The following IQCE variants were observed in gnomAD, a reference collection of about 807,000 sequenced individuals.
IQCE encodes IQ domain-containing protein E.
Under a neutral mutation model 96.0 loss-of-function variants are expected in IQCE, and 115 were observed. That is an observed-to-expected ratio of 1.20 (90% CI 1.03 to 1.40). The LOEUF is 1.40. Ranked by LOEUF, IQCE falls within the 40% of genes most tolerant of loss-of-function variation. IQCE has a pLI of 0.00. For synonymous variants in IQCE, 412 were observed against 371.2 expected (o/e 1.11, Z -1.26); for missense variants, 1,041 against 909.1 (o/e 1.15, Z -1.87).
At chr7:2,572,650 T>C in intron 5 of IQCE, 1 of 502,322 alleles carries the variant, frequency 2.0e-6, no homozygotes, top group Non-Finnish European at 3.8e-6. Flanking sequence ...AAATAAATAA[T>C]GATAAAAAGT....
At position 2,578,376 on chromosome 7, in the gene IQCE, G is replaced by A. The variant is rs199985478; in HGVS notation, c.579+21G>A. On this transcript the variant is annotated intron_variant, in intron 7 of 21. Coordinates refer to ENST00000402050, the MANE Select transcript of IQCE (RefSeq NM_152558.5). ...GCCGCGTAAGCTCCTGGCGCTTCAC[G>A]GACGGGGCAAGGGGAGGGTCCTCGG... 233 of 1,612,710 alleles carry A rather than the reference G, an allele frequency of 1.4e-4. 2 individuals are homozygous for A. The highest frequency in any genetic ancestry group is 1.8e-4 in the Non-Finnish European group (217 of 1,178,706).
chr7:2,571,324 A>G (rs1583404758), intron 3 of IQCE: 1 of 601,216 alleles, frequency 1.7e-6, no homozygotes, highest in East Asian at 3.3e-5. Context: ...TGGCCTCATT[A>G]TGCTATTTCT....
intron 12 of IQCE, among the ~76,000 whole-genome samples, chr7:2,587,456 G>A (rs1036062199): frequency 2.1e-4 from 32 of 152,122 alleles, no homozygotes; most frequent in Admixed American, 8.5e-4. Flanking sequence ...AGTGGCTAGC[G>A]AGGGGCTGTG....
intron 5 of IQCE, chr7:2,572,860 T>C (rs1781861461): frequency 2.5e-6 from 1 of 403,044 alleles, no homozygotes; most frequent in African/African-American, 2.1e-5. Context: ...TTTATCCACG[T>C]GTTTCCCACC....
chr7:2,592,633 A>C (rs983569065), intron 14 of IQCE, among the ~76,000 whole-genome samples: 10 of 152,372 alleles, frequency 6.6e-5, no homozygotes, highest in African/African-American at 2.4e-4. Flanking sequence ...AGCCCCGCAC[A>C]GGCAGTGCCA....
In IQCE at chr7:2,586,262, C is replaced by T. The variant is rs61736928; in HGVS notation, c.879C>T (p.Ala293=). Residue 293 remains alanine, a synonymous_variant, in exon 12 of 22, where the codon GCC becomes GCT. Transcript: ENST00000402050. ...AAAGGCAGAAGAAGATGGGCAGTGCCCTCCTGAGCTTGTCCCGGAGTGTCC... is the reference window on the plus strand; with the variant it reads ...AAAGGCAGAAGAAGATGGGCAGTGCTCTCCTGAGCTTGTCCCGGAGTGTCC... ...GAKRQKKMGS[A]LLSLSRSVQE... is the part of the protein sequence containing the mutation. 2,621 of 1,614,020 alleles carry T rather than the reference C, an allele frequency of 1.6e-3. 40 individuals carry two copies. The African/African-American group carries it at 0.031, about 19-fold the overall frequency.
At position 2,571,535 on chromosome 7, in the gene IQCE, A is replaced by C; in HGVS notation, c.140A>C (p.Tyr47Ser). Reference sequence around the variant, plus strand: ...GTGTTGGCTTTTCCAGAGTCACCTTATCTCTCTAAGCCGAGAAAAGTGGCC... The same window carrying C: ...GTGTTGGCTTTTCCAGAGTCACCTTCTCTCTCTAAGCCGAGAAAAGTGGCC... ...KPPPTSPKSP[Y>S]LSKPRKVASW... The change falls in exon 4 of 22, where the codon TAT becomes TCT. Residue 47 changes from tyrosine to serine, a missense_variant. By Grantham distance (144) the Tyr-to-Ser change is moderately radical. Coordinates refer to ENST00000402050, the MANE Select transcript of IQCE (RefSeq NM_152558.5). 1 of 1,606,388 alleles carries C rather than the reference A, an allele frequency of 6.2e-7. No homozygotes were observed. The highest frequency in any genetic ancestry group is 2.2e-5 in the East Asian group (1 of 44,864).
intron 1 of IQCE, 183 bp downstream of exon 1, chr7:2,559,400 T>G (rs993141634): frequency 2.9e-5 from 9 of 313,022 alleles, no homozygotes; most frequent in Non-Finnish European, 5.1e-5. Context: ...CCGCGCCGCC[T>G]GCAGCCTCGC....
Position 2,578,369 on chromosome 7 carries a change from G to A in IQCE, c.579+14G>A, listed in dbSNP as rs758615216. The A allele has an allele frequency of 1.9e-5, 30 of 1,612,316 alleles. No homozygotes were observed. The South Asian group carries it at 3.2e-4, about 17-fold the overall frequency. On this transcript the variant is annotated intron_variant, in intron 7 of 21. Coordinates refer to ENST00000402050, the MANE Select transcript of IQCE (RefSeq NM_152558.5). ...GATCCCAGCCGCGTAAGCTCCTGGCGCTTCACGGACGGGGCAAGGGGAGGG... is the reference window on the plus strand; with the variant it reads ...GATCCCAGCCGCGTAAGCTCCTGGCACTTCACGGACGGGGCAAGGGGAGGG...
intron 6 of IQCE, among the ~76,000 whole-genome samples, chr7:2,576,291 C>T (rs1456701255): frequency 6.6e-6 from 1 of 152,182 alleles, no homozygotes; most frequent in Non-Finnish European, 1.5e-5. Context: ...ACAGCCCAGC[C>T]TACACGCTGT....
At chr7:2,598,722 G>C in intron 17 of IQCE, 90 bp downstream of exon 17, 1 of 1,215,918 alleles carries the variant, frequency 8.2e-7, no homozygotes, top group Non-Finnish European at 1.1e-6. Context: ...ACTGGGCCTG[G>C]AGGGCCAGCC....
chr7:2,599,995 T>C (rs1784327668), intron 17 of IQCE, among the ~76,000 whole-genome samples: 1 of 152,154 alleles, frequency 6.6e-6, no homozygotes, highest in Non-Finnish European at 1.5e-5. Flanking sequence ...GGTTTCACCA[T>C]GTTGTCCAGA....
At chr7:2,565,228 A>AGTGTGTGTGC (rs1781283104) in intron 1 of IQCE, among the ~76,000 whole-genome samples, 1 of 125,990 alleles carries the variant, frequency 7.9e-6, no homozygotes, top group Non-Finnish European at 1.7e-5. Context: ...TGCGTGCATG[A>AGTGTGTGTGC]GTGTGTGTGC....
chr7:2,583,419 A>C (rs1782831616), intron 9 of IQCE, among the ~76,000 whole-genome samples: 1 of 152,076 alleles, frequency 6.6e-6, no homozygotes. Context: ...TGGTCTACAC[A>C]GGAGATGCTT....
rs1285927965 is a variant in IQCE at position 2,614,349 on chromosome 7, T to C, written c.*4187T>C. On this transcript the variant is annotated 3_prime_UTR_variant, in exon 22 of 22. Coordinates refer to ENST00000402050, the MANE Select transcript of IQCE (RefSeq NM_152558.5). ...TTGCTCTCCCGTGGCTCGGATTCTC[T>C]GAGGACCAGGGAGTTGACACACAAA... 6.6e-6 allele frequency: 1 copy of C among 152,252 alleles called. No individual in the cohort carries two copies. The highest frequency in any genetic ancestry group is 1.9e-4 in the East Asian group (1 of 5,202). The allele number at this position is 152,252 out of a possible 1,614,324, so 9.4% of individuals were successfully genotyped here. A position where few individuals can be genotyped will look rare whatever the true frequency, so the allele number is the denominator to read the frequency against.
chr7:2,569,050 C>A, intron 3 of IQCE, 51 bp downstream of exon 3: 1 of 1,555,908 alleles, frequency 6.4e-7, no homozygotes, highest in Non-Finnish European at 8.9e-7. Context: ...TCCCTGGTGT[C>A]CTGGAGAGAA....
chr7:2,564,151 G>A (rs1781188303), intron 1 of IQCE, among the ~76,000 whole-genome samples: 1 of 152,226 alleles, frequency 6.6e-6, no homozygotes, highest in East Asian at 1.9e-4. Context: ...GGCGGAGGTT[G>A]TGGTGAGCCA....
intron 10 of IQCE, 22 bp from the exon 11 acceptor site, chr7:2,584,214 C>T (rs1010861127): frequency 1.3e-5 from 21 of 1,607,944 alleles, no homozygotes; most frequent in Non-Finnish European, 1.6e-5. Context: ...TGTTTTCATG[C>T]ATTTCAATTT....
At chr7:2,581,901 A>C in intron 8 of IQCE, 1 of 283,846 alleles carries the variant, frequency 3.5e-6, no homozygotes, top group South Asian at 3.1e-5. Context: ...TTTAGTAGAG[A>C]CGGGGTTTCA....
Sources: allele counts gnomAD v4.1 joint callset (sites outside exome capture counted in the v4.1 genomes callset), GRCh38; gene constraint gnomAD v4.1.1; transcripts MANE v1.5; gene names NCBI Gene and HGNC (gene_info 2026-07-23, HGNC 2026-07-21).